The following ITGA8 variants were observed in gnomAD, a reference collection of about 807,000 sequenced individuals.
The protein encoded by ITGA8 is integrin subunit alpha 8.
A neutral mutation model predicts 142.3 loss-of-function variants in ITGA8; 91 were observed. The observed-to-expected ratio is 0.64, with a 90% CI of 0.54 to 0.76. The LOEUF (loss-of-function observed/expected upper bound fraction) is 0.76. ITGA8 is among the 30% of genes least tolerant of loss of function. The pLI is 0.00. For synonymous variants in ITGA8, 505 were observed against 485.2 expected (o/e 1.04, Z -0.54); for missense variants, 1,406 against 1,327.7 (o/e 1.06, Z -0.92).
At chr10:15,540,073 T>C (rs756770722) in intron 27 of ITGA8, among the ~76,000 whole-genome samples, 1 of 152,198 alleles carries the variant, frequency 6.6e-6, no homozygotes, top group Non-Finnish European at 1.5e-5. Flanking sequence ...TGTGAGTCAA[T>C]TAAACATCTT....
At chr10:15,531,222 A>C in intron 27 of ITGA8, 71 bp from the exon 28 acceptor site, 1 of 783,676 alleles carries the variant, frequency 1.3e-6, no homozygotes, top group South Asian at 3.1e-5. Flanking sequence ...CAGCCACCTA[A>C]TTATTTTTGG....
chr10:15,687,472 T>A (rs1236974655), intron 3 of ITGA8, among the ~76,000 whole-genome samples: 1 of 152,220 alleles, frequency 6.6e-6, no homozygotes, highest in Non-Finnish European at 1.5e-5. Flanking sequence ...TTAAAAAGTA[T>A]TAATGAACTC....
chr10:15,685,633 C>T (rs1027567136), intron 3 of ITGA8, among the ~76,000 whole-genome samples: 2 of 152,140 alleles, frequency 1.3e-5, no homozygotes, highest in East Asian at 3.8e-4. Context: ...ATGCCTCATC[C>T]ATGCCTTTTC....
At position 15,677,635 on chromosome 10, in the gene ITGA8, A is replaced by G. The variant is rs1440465291; in HGVS notation, c.633T>C (p.Asn211=). 6.2e-7 allele frequency: 1 copy of G among 1,613,192 alleles called. No individual in the cohort carries two copies. The highest frequency in any genetic ancestry group is 1.3e-5 in the African/African-American group (1 of 75,000). ...CAGGTCCTCCCACAATAAGGTCTCC[A>G]TTCTACAAAACAGAAACAGCAACAG... ...QAGFSLDFYK[N]GDLIVGGPGS... is the part of the protein sequence containing the mutation. The change falls in exon 6 of 30, where the codon AAT becomes AAC. Residue 211 remains asparagine (N), a splice_region_variant and synonymous_variant. Transcript: ENST00000378076.
chr10:15,678,399 C>T (rs545057118), intron 5 of ITGA8, among the ~76,000 whole-genome samples: 1 of 152,064 alleles, frequency 6.6e-6, no homozygotes, highest in East Asian at 1.9e-4. Flanking sequence ...TTCATGTGAT[C>T]TTTTTAAGAA....
Position 15,718,748 on chromosome 10 carries a change from A to C in ITGA8, c.343+18T>G. The C allele has an allele frequency of 6.2e-7, 1 of 1,612,906 alleles. No individual in the cohort carries two copies. Among genetic ancestry groups the C allele is most frequent in the Non-Finnish European group, 8.5e-7 (1 of 1,179,070 alleles). On this transcript the variant is annotated intron_variant, in intron 2 of 29. Coordinates refer to ENST00000378076, the MANE Select transcript of ITGA8 (RefSeq NM_003638.3). ...TCCAAACCCAGGCCCACAGCTTAGAAGGACAAATCTCACTTACTGGTGGTG... is the reference window on the plus strand; with the variant it reads ...TCCAAACCCAGGCCCACAGCTTAGACGGACAAATCTCACTTACTGGTGGTG...
intron 26 of ITGA8, among the ~76,000 whole-genome samples, chr10:15,553,348 C>G (rs562821170): frequency 2.1e-5 from 3 of 142,970 alleles, no homozygotes; most frequent in South Asian, 4.5e-4. Flanking sequence ...TCAGCTACTT[C>G]TATCATAACA....
chr10:15,539,654 T>G (rs951861817), intron 27 of ITGA8, among the ~76,000 whole-genome samples: 2 of 152,204 alleles, frequency 1.3e-5, no homozygotes, highest in African/African-American at 4.8e-5. Flanking sequence ...CTAATTCTTA[T>G]TTATTTTTAC....
At chr10:15,530,064 T>A (rs528146063) in intron 28 of ITGA8, among the ~76,000 whole-genome samples, 2 of 152,312 alleles carry the variant, frequency 1.3e-5, no homozygotes, top group Admixed American at 6.5e-5. Context: ...TGGAGCACTA[T>A]GCTTTTCAAA....
chr10:15,677,634 CA>C lies in ITGA8; in HGVS notation c.633del (p.Asn211LysfsTer18). The C allele has an allele frequency of 1.9e-6, 3 of 1,612,986 alleles. No homozygotes were observed. The highest frequency in any genetic ancestry group is 2.5e-6 in the Non-Finnish European group (3 of 1,179,492). On this transcript the variant is annotated frameshift_variant and splice_region_variant, in exon 6 of 30. Transcript: ENST00000378076. LOFTEE classifies it high-confidence loss of function. Reference protein sequence around the residue: ...QAGFSLDFYKNGDLIVGGPGS... With the variant: ...QAGFSLDFYKXGDLIVGGPGS... ...CCAGGTCCTCCCACAATAAGGTCTC[CA>C]TTCTACAAAACAGAAACAGCAACAG...
At chr10:15,684,367 A>G (rs1834797744) in intron 3 of ITGA8, among the ~76,000 whole-genome samples, 1 of 151,844 alleles carries the variant, frequency 6.6e-6, no homozygotes, top group African/African-American at 2.4e-5. Context: ...GTTTTCTGAC[A>G]ATAGTTTTTT....
chr10:15,672,742 C>G lies in ITGA8; in HGVS notation c.684G>C (p.Val228=). The G allele has an allele frequency of 1.2e-6, 2 of 1,607,922 alleles. No homozygotes were observed. The highest frequency in any genetic ancestry group is 2.2e-5 in the South Asian group (2 of 89,822). The change falls in exon 7 of 30, where the codon GTG becomes GTC. Residue 228 remains valine, a synonymous_variant. Transcript: ENST00000378076. ...TGATATCTGCAACACTGGCAGTGATCACTTGTCCTGTGTTTAAACAAATTA... is the reference window on the plus strand; with the variant it reads ...TGATATCTGCAACACTGGCAGTGATGACTTGTCCTGTGTTTAAACAAATTA... ...GPGSFYWQGQ[V]ITASVADIIA...
chr10:15,540,143 T>A (rs1448957917), intron 27 of ITGA8, among the ~76,000 whole-genome samples: 1 of 152,216 alleles, frequency 6.6e-6, no homozygotes, highest in Non-Finnish European at 1.5e-5. Flanking sequence ...AACATACTAA[T>A]ACAATTACAA....
chr10:15,694,560 TTATAA>T (rs1311803286), intron 2 of ITGA8, among the ~76,000 whole-genome samples: 1 of 137,996 alleles, frequency 7.2e-6, no homozygotes, highest in Non-Finnish European at 1.5e-5. Flanking sequence ...TATTATAGAG[TTATAA>T]TATATAAAAT....
chr10:15,560,318 T>C (rs919397281), intron 25 of ITGA8, among the ~76,000 whole-genome samples: 2 of 152,166 alleles, frequency 1.3e-5, no homozygotes, highest in African/African-American at 2.4e-5. Flanking sequence ...AAATTACAGA[T>C]GTCCTTTTAT....
chr10:15,595,696 A>G (rs958923490), intron 21 of ITGA8, among the ~76,000 whole-genome samples: 1 of 152,170 alleles, frequency 6.6e-6, no homozygotes, highest in Non-Finnish European at 1.5e-5. Flanking sequence ...GTGGTCCATC[A>G]TCTACAGATG....
chr10:15,637,514 T>TG (rs1564385336), intron 13 of ITGA8, among the ~76,000 whole-genome samples: 41 of 141,340 alleles, frequency 2.9e-4, no homozygotes, highest in Admixed American at 6.1e-4. Flanking sequence ...ATTTTTTTTT[T>TG]TTTTTTTTGT....
chr10:15,549,053 A>G (rs572559141), intron 26 of ITGA8, among the ~76,000 whole-genome samples: 1 of 152,244 alleles, frequency 6.6e-6, no homozygotes, highest in East Asian at 1.9e-4. Flanking sequence ...ACTTTCATTC[A>G]TTAGGCTATT....
At chr10:15,673,618 C>T (rs1834571311) in intron 6 of ITGA8, among the ~76,000 whole-genome samples, 1 of 152,180 alleles carries the variant, frequency 6.6e-6, no homozygotes, top group East Asian at 1.9e-4. Flanking sequence ...ATCTAAATCA[C>T]ATATCTGATT....
Sources: gnomAD v4.1 joint callset for allele counts (sites outside exome capture counted in the v4.1 genomes callset) on GRCh38, gnomAD v4.1.1 for gene constraint, MANE v1.5 for transcripts, NCBI Gene and HGNC (gene_info 2026-07-23, HGNC 2026-07-21) for gene names.